The following NTF3 variants were observed in gnomAD, a reference collection of about 807,000 sequenced individuals.
NTF3 encodes neurotrophin 3, also known as neurotrophin-3.
A neutral mutation model predicts 26.3 loss-of-function variants in NTF3; 8 were observed. That is an observed-to-expected ratio of 0.30 (90% CI 0.18 to 0.55). The LOEUF (loss-of-function observed/expected upper bound fraction) is 0.55, where lower values mean the gene tolerates loss of function less well. NTF3 is among the 20% of genes least tolerant of loss of function. The probability of loss-of-function intolerance (pLI) is 0.93; values close to 1 mark genes in which losing one functional copy is unlikely to be tolerated. For missense variants in NTF3, 276 were observed against 352.9 expected, an observed-to-expected ratio of 0.78 and a Z score of 1.75; for synonymous variants, 154 against 145.5, an observed-to-expected ratio of 1.06 and a Z score of -0.42.
chr12:5,439,266 G>A (rs996402747), intron 1 of NTF3, among the ~76,000 whole-genome samples: 1 of 152,176 alleles, frequency 6.6e-6, no homozygotes, highest in African/African-American at 2.4e-5. Context: ...GCTATTACAT[G>A]GCATTATCTC....
In NTF3 at chr12:5,461,142, C is replaced by T. The variant is rs1026236959; in HGVS notation, c.18+28800C>T. Among the ~76,000 whole-genome samples the T allele has an allele frequency of 3.9e-5, 6 of 152,162 alleles. No individual in the cohort carries two copies. The South Asian group carries it at 6.2e-4, about 16-fold the overall frequency. Reference sequence around the variant, plus strand: ...GAAGGGAGTTTTGAAGTCATTATTGCTTCAGGATGTGCGAACCATAATTAT... The same window carrying T: ...GAAGGGAGTTTTGAAGTCATTATTGTTTCAGGATGTGCGAACCATAATTAT... On this transcript the variant is annotated intron_variant, in intron 1 of 1. Transcript: ENST00000423158.
chr12:5,485,998 G>A (rs544898887), intron 1 of NTF3, among the ~76,000 whole-genome samples: 1 of 152,176 alleles, frequency 6.6e-6, no homozygotes, highest in Non-Finnish European at 1.5e-5. Flanking sequence ...TCAGTCTTCA[G>A]ACACCATGGT....
chr12:5,454,042 C>G (rs1940407303), intron 1 of NTF3, among the ~76,000 whole-genome samples: 1 of 152,252 alleles, frequency 6.6e-6, no homozygotes, highest in East Asian at 1.9e-4. Flanking sequence ...TATGAGTCTC[C>G]TGGGGCTGCC....
Position 5,432,134 on chromosome 12 carries a change from C to G in NTF3, c.-191C>G. On this transcript the variant is annotated 5_prime_UTR_variant, in exon 1 of 2. Transcript: ENST00000423158. Reference sequence around the variant, plus strand: ...CTCAGAGTTGAAGCTCCTCTCCCTTCCGAACAGCTCCGCGCACCGCCCCGC... The same window carrying G: ...CTCAGAGTTGAAGCTCCTCTCCCTTGCGAACAGCTCCGCGCACCGCCCCGC... 7.3e-6 allele frequency: 5 copies of G among 683,892 alleles called. No individual in the cohort carries two copies. In the South Asian group the frequency reaches 8.3e-5, roughly 11 times the overall value. 42.4% of individuals were successfully genotyped at this position (683,892 alleles called of 1,614,324 possible). A position where few individuals can be genotyped will look rare whatever the true frequency, so the allele number is the denominator to read the frequency against.
At chr12:5,452,439 G>A (rs1488516750) in intron 1 of NTF3, among the ~76,000 whole-genome samples, 1 of 152,098 alleles carries the variant, frequency 6.6e-6, no homozygotes, top group Non-Finnish European at 1.5e-5. Context: ...ACTTTTCACT[G>A]CATAATATTC....
chr12:5,446,478 G>A (rs1211419027), intron 1 of NTF3, among the ~76,000 whole-genome samples: 1 of 152,162 alleles, frequency 6.6e-6, no homozygotes, highest in Non-Finnish European at 1.5e-5. Context: ...ATCTTGGGCT[G>A]GTCCTTCCAG....
chr12:5,492,040 A>T (rs1267744199), intron 1 of NTF3, among the ~76,000 whole-genome samples: 1 of 152,110 alleles, frequency 6.6e-6, no homozygotes, highest in Non-Finnish European at 1.5e-5. Flanking sequence ...AACTGCATTT[A>T]GGTTGTCCTC....
At chr12:5,475,212 G>A (rs996851993) in intron 1 of NTF3, among the ~76,000 whole-genome samples, 2 of 152,200 alleles carry the variant, frequency 1.3e-5, no homozygotes, top group Non-Finnish European at 2.9e-5. Context: ...GGAAGTGCTG[G>A]TGGTGGTAGG....
chr12:5,494,334 G>T lies in NTF3; in HGVS notation c.159G>T (p.Gln53His). 6.2e-7 allele frequency: 1 copy of T among 1,614,092 alleles called. No individual in the cohort carries two copies. Among genetic ancestry groups the T allele is most frequent in the African/African-American group, 1.3e-5 (1 of 75,006 alleles). Reference protein sequence around the residue: ...SLNSLIIKLIQADILKNKLSK... With the variant: ...SLNSLIIKLIHADILKNKLSK... ...ATTCCCTCATTATTAAGCTGATCCA[G>T]GCAGATATTTTGAAAAACAAGCTCT... Residue 53 changes from glutamine (Q) to histidine (H), a missense_variant, in exon 2 of 2, where the codon CAG becomes CAT. Physicochemically the swap from Gln to His is conservative, Grantham distance 24. This residue lies in a region of NTF3 where 221 missense variants were observed against 258.2 expected (regional missense o/e 0.86). Coordinates refer to ENST00000423158, the MANE Select transcript of NTF3 (RefSeq NM_001102654.2). This position sits in a 1 kb window ranked among gnomAD's most constrained non-coding sequence, Gnocchi z 8.3.
chr12:5,472,713 T>G (rs1003367756), intron 1 of NTF3, among the ~76,000 whole-genome samples: 1 of 152,006 alleles, frequency 6.6e-6, no homozygotes, highest in Non-Finnish European at 1.5e-5. Context: ...AACTGTCTTC[T>G]CCCCGCTGGG....
At chr12:5,455,392 G>C (rs1940425615) in intron 1 of NTF3, among the ~76,000 whole-genome samples, 1 of 152,202 alleles carries the variant, frequency 6.6e-6, no homozygotes, top group Non-Finnish European at 1.5e-5. Context: ...GTTGTGAGCT[G>C]TCCAGGAGGC....
rs746991781 is a variant in NTF3, at chr12:5,462,569, C to T, written c.18+30227C>T. Among the ~76,000 whole-genome samples the T allele has an allele frequency of 1.7e-4, 26 of 152,272 alleles. 1 individual carries two copies. The Middle Eastern group carries it at 0.01, about 60-fold the overall frequency. The stretch of plus-strand genomic sequence containing the variant: ...GTGATAGCCAAGTATGAATTTGCAG[C>T]GGCATGGACACATCATGCCACACCC... On this transcript the variant is annotated intron_variant, in intron 1 of 1. Coordinates refer to ENST00000423158, the MANE Select transcript of NTF3 (RefSeq NM_001102654.2).
Position 5,432,166 on chromosome 12 carries a change from G to T in NTF3, c.-159G>T, listed in dbSNP as rs1276126281. 2.4e-6 allele frequency: 2 copies of T among 823,194 alleles called. No homozygotes were observed. Among genetic ancestry groups the T allele is most frequent in the East Asian group, 5.3e-5 (2 of 38,054 alleles). The allele number at this position is 823,194 out of a possible 1,614,324, so 51.0% of individuals were successfully genotyped here. ...GCTCCGCGCACCGCCCCGCGACGCAGCCCGGCGCAACTACTTTCTTCTCTC... is the reference window on the plus strand; with the variant it reads ...GCTCCGCGCACCGCCCCGCGACGCATCCCGGCGCAACTACTTTCTTCTCTC... On this transcript the variant is annotated 5_prime_UTR_variant, in exon 1 of 2. Transcript: ENST00000423158.
At chr12:5,459,227 T>A (rs12301558) in intron 1 of NTF3, among the ~76,000 whole-genome samples, 2 of 152,178 alleles carry the variant, frequency 1.3e-5, no homozygotes, top group Non-Finnish European at 2.9e-5. Flanking sequence ...TCAAATGAGA[T>A]GACGTCAGAG....
chr12:5,477,078 G>C (rs1489845074), intron 1 of NTF3, among the ~76,000 whole-genome samples: 4 of 152,068 alleles, frequency 2.6e-5, no homozygotes, highest in Non-Finnish European at 2.9e-5. Context: ...ACATGAAAAA[G>C]GGTGTCTGTA....
At chr12:5,491,530 C>T (rs999392239) in intron 1 of NTF3, among the ~76,000 whole-genome samples, 2 of 151,998 alleles carry the variant, frequency 1.3e-5, no homozygotes, top group African/African-American at 2.4e-5. Context: ...AGCTTTGGAA[C>T]CAGGCACTGA....
chr12:5,452,035 T>G (rs1409211998), intron 1 of NTF3, among the ~76,000 whole-genome samples: 1 of 151,778 alleles, frequency 6.6e-6, no homozygotes, highest in South Asian at 2.1e-4. Flanking sequence ...ATAACCAGTT[T>G]TTACCTGGCA....
At chr12:5,476,030 G>T (rs1308890046) in intron 1 of NTF3, among the ~76,000 whole-genome samples, 2 of 152,166 alleles carry the variant, frequency 1.3e-5, no homozygotes, top group African/African-American at 4.8e-5. Flanking sequence ...GAGGAAATGG[G>T]TGTGGGTCCC....
At chr12:5,460,358 T>C (rs1228009499) in intron 1 of NTF3, among the ~76,000 whole-genome samples, 1 of 152,210 alleles carries the variant, frequency 6.6e-6, no homozygotes, top group Non-Finnish European at 1.5e-5. Context: ...TCCTCCCTCC[T>C]CTGCCACCAA....
Sources: gnomAD v4.1 joint callset for allele counts (sites outside exome capture counted in the v4.1 genomes callset) on GRCh38, gnomAD v4.1.1 for gene constraint, gnomAD v4.1.1 regional missense constraint, Gnocchi (gnomAD v3.1) non-coding constraint, MANE v1.5 for transcripts, NCBI Gene and HGNC (gene_info 2026-07-23, HGNC 2026-07-21) for gene names.